Variants in ARSJ observed in about 807,000 individuals in gnomAD.
The protein encoded by ARSJ is arylsulfatase J.
A neutral mutation model predicts 35.9 loss-of-function variants in ARSJ; 26 were observed. That is an observed-to-expected ratio of 0.72 (90% CI 0.53 to 1.00). The LOEUF (loss-of-function observed/expected upper bound fraction) is 1.00, where lower values mean the gene tolerates loss of function less well. ARSJ is among the 50% of genes least tolerant of loss of function. The probability of loss-of-function intolerance (pLI) is 0.00; values close to 1 mark genes in which losing one functional copy is unlikely to be tolerated. For missense variants in ARSJ, 667 were observed against 723.6 expected (o/e 0.92, Z 0.90); for synonymous variants, 294 against 267.6 (o/e 1.10, Z -0.96).
intron 1 of ARSJ, among the ~76,000 whole-genome samples, chr4:113,964,229 T>C (rs1594506000): frequency 6.6e-6 from 1 of 152,078 alleles, no homozygotes; most frequent in Non-Finnish European, 1.5e-5. Context: ...CTGAAACTGA[T>C]GAAAACCAGA....
chr4:113,936,272 A>T (rs1437094667), intron 1 of ARSJ, among the ~76,000 whole-genome samples: 2 of 151,940 alleles, frequency 1.3e-5, no homozygotes, highest in Non-Finnish European at 2.9e-5. Flanking sequence ...ATTTGCCTTG[A>T]AAAACAGACT....
intron 1 of ARSJ, among the ~76,000 whole-genome samples, chr4:113,942,940 GC>G (rs1286285313): frequency 1.3e-5 from 2 of 151,932 alleles, no homozygotes; most frequent in East Asian, 3.9e-4. Context: ...GTAACAACTT[GC>G]AGTGCAAAAC....
At chr4:113,919,446 T>G (rs1390461903) in intron 1 of ARSJ, among the ~76,000 whole-genome samples, 1 of 152,208 alleles carries the variant, frequency 6.6e-6, no homozygotes, top group Non-Finnish European at 1.5e-5. Flanking sequence ...AAAGATTACA[T>G]GTGTTAATGT....
At chr4:113,905,257 TA>T (rs2099668363) in intron 1 of ARSJ, among the ~76,000 whole-genome samples, 1 of 152,150 alleles carries the variant, frequency 6.6e-6, no homozygotes, top group Non-Finnish European at 1.5e-5. Flanking sequence ...ATTGTTAGGG[TA>T]AATATGTAAA....
intron 1 of ARSJ, among the ~76,000 whole-genome samples, chr4:113,961,469 A>G (rs2149280704): frequency 6.6e-6 from 1 of 152,188 alleles, no homozygotes; most frequent in Non-Finnish European, 1.5e-5. Flanking sequence ...GAATGCATTA[A>G]AACAAACATT....
chr4:113,919,693 G>A (rs2149257867), intron 1 of ARSJ, among the ~76,000 whole-genome samples: 1 of 152,286 alleles, frequency 6.6e-6, no homozygotes, highest in African/African-American at 2.4e-5. Context: ...TGGGGAGCCA[G>A]AGAGATGGCA....
chr4:113,933,034 C>T (rs1724551307), intron 1 of ARSJ, among the ~76,000 whole-genome samples: 1 of 151,856 alleles, frequency 6.6e-6, no homozygotes. Context: ...GACATAACAA[C>T]TGAGACCACA....
At chr4:113,906,906 A>AT (rs147601082) in intron 1 of ARSJ, among the ~76,000 whole-genome samples, 8,648 of 152,238 alleles carry the variant, frequency 0.057, 325 homozygotes, top group East Asian at 0.11. Flanking sequence ...TAATTTATAG[A>AT]TTTTTTATAT....
intron 1 of ARSJ, among the ~76,000 whole-genome samples, chr4:113,936,809 T>C (rs1417464284): frequency 6.6e-6 from 1 of 151,812 alleles, no homozygotes; most frequent in African/African-American, 2.4e-5. Flanking sequence ...AGAATAATAA[T>C]GAAGCAAAAC....
intron 1 of ARSJ, among the ~76,000 whole-genome samples, chr4:113,924,034 TAA>T (rs1387617692): frequency 7.1e-3 from 29 of 4,066 alleles, no homozygotes; most frequent in South Asian, 0.028. Context: ...TATATATATA[TAA>T]ATATATATAA....
chr4:113,929,027 C>A (rs1198125712), intron 1 of ARSJ, among the ~76,000 whole-genome samples: 2 of 152,068 alleles, frequency 1.3e-5, no homozygotes, highest in Non-Finnish European at 2.9e-5. Flanking sequence ...TTTTTTGACT[C>A]ATCGAGCTGC....
At chr4:113,910,165 C>T (rs1363161192) in intron 1 of ARSJ, among the ~76,000 whole-genome samples, 2 of 152,134 alleles carry the variant, frequency 1.3e-5, no homozygotes, top group Non-Finnish European at 2.9e-5. Context: ...CACCATCATT[C>T]TCACTTTACT....
At chr4:113,924,157 C>A (rs75168322) in intron 1 of ARSJ, among the ~76,000 whole-genome samples, 2 of 147,084 alleles carry the variant, frequency 1.4e-5, no homozygotes, top group Non-Finnish European at 3.0e-5. Flanking sequence ...TACACAATCA[C>A]AAGGTCCCAC....
At position 113,902,339 on chromosome 4, in the gene ARSJ, T is replaced by C. The variant is rs767302014; in HGVS notation, c.1735A>G (p.Lys579Glu). ...ACTGCTTTCTGCTGTTTCTTCTTCT[T>C]TTTTTTGCTTTTCTTTTGCTTTTTC... The part of the protein sequence containing the change: ...AEKKQKKSKK[K>E]KKKQQKAVSG... The change falls in exon 2 of 2, where the codon AAG becomes GAG. Residue 579 changes from lysine (K) to glutamate (E), a missense_variant. Coordinates refer to ENST00000315366, the MANE Select transcript of ARSJ (RefSeq NM_024590.4). 1.2e-6 allele frequency: 2 copies of C among 1,613,534 alleles called. No individual in the cohort carries two copies. Among genetic ancestry groups the C allele is most frequent in the South Asian group, 2.2e-5 (2 of 91,026 alleles).
Position 113,902,385 on chromosome 4 carries a change from C to T in ARSJ, c.1689G>A (p.Lys563=), listed in dbSNP as rs199939366. ...PWYKEETKKK[K]PSKNQAEKKQ... Reference sequence around the variant, plus strand: ...TTTTCTCAGCCTGATTTTTGCTTGGCTTCTTTTTCTTGGTTTCCTCTTTAT... The same window carrying T: ...TTTTCTCAGCCTGATTTTTGCTTGGTTTCTTTTTCTTGGTTTCCTCTTTAT... Residue 563 remains lysine, a synonymous_variant, in exon 2 of 2, where the codon AAG becomes AAA. Coordinates refer to ENST00000315366, the MANE Select transcript of ARSJ (RefSeq NM_024590.4). The T allele has an allele frequency of 5.6e-4, 906 of 1,613,674 alleles. 4 individuals carry two copies. Among genetic ancestry groups the T allele is most frequent in the South Asian group, 2.1e-3 (189 of 91,034 alleles).
At chr4:113,955,572 C>G (rs1453241374) in intron 1 of ARSJ, among the ~76,000 whole-genome samples, 1 of 151,998 alleles carries the variant, frequency 6.6e-6, no homozygotes, top group Non-Finnish European at 1.5e-5. Flanking sequence ...GCACTAAATC[C>G]ATATGGGTAG....
chr4:113,961,768 T>G (rs1395528442), intron 1 of ARSJ, among the ~76,000 whole-genome samples: 1 of 152,024 alleles, frequency 6.6e-6, no homozygotes, highest in Non-Finnish European at 1.5e-5. Flanking sequence ...TGTAAATCCT[T>G]AAAAATTATA....
chr4:113,932,256 T>C (rs1444072463), intron 1 of ARSJ, among the ~76,000 whole-genome samples: 1 of 151,994 alleles, frequency 6.6e-6, no homozygotes, highest in African/African-American at 2.4e-5. Context: ...TGGACTGTAA[T>C]GTAATCATAG....
chr4:113,959,814 G>A (rs1350886526), intron 1 of ARSJ, among the ~76,000 whole-genome samples: 1 of 152,060 alleles, frequency 6.6e-6, no homozygotes, highest in Non-Finnish European at 1.5e-5. Flanking sequence ...TGGAATGAAA[G>A]TATGGAACAA....
Sources: allele counts gnomAD v4.1 joint callset (sites outside exome capture counted in the v4.1 genomes callset), GRCh38; gene constraint gnomAD v4.1.1; transcripts MANE v1.5; gene names NCBI Gene and HGNC (gene_info 2026-07-23, HGNC 2026-07-21).